The following NSD3 variants were observed in gnomAD, a reference collection of about 807,000 sequenced individuals.
NSD3 encodes nuclear receptor binding SET domain protein 3.
A neutral mutation model predicts 160.8 loss-of-function variants in NSD3; 24 were observed. The observed-to-expected ratio is 0.15, with a 90% CI of 0.11 to 0.21. The LOEUF is 0.21. Among genes scored for constraint, NSD3 ranks in the 10% least tolerant of loss-of-function variants. The pLI, the probability that NSD3 is intolerant of heterozygous loss-of-function variation, is 1.00. For synonymous variants in NSD3, 520 were observed against 600.0 expected (o/e 0.87, Z 1.95); for missense variants, 1,157 against 1,735.9 (o/e 0.67, Z 5.93).
chr8:38,279,554 C>T lies in NSD3; in HGVS notation c.3746G>A (p.Cys1249Tyr), dbSNP rs1808685520. Residue 1249 changes from cysteine to tyrosine, a missense_variant, in exon 21 of 24, where the codon TGT becomes TAT. Cys to Tyr is a radical substitution (Grantham distance 194, BLOSUM62 -2). Transcript: ENST00000317025. Reference sequence around the variant, plus strand: ...CACTTTTTTACCTGCAGGAATATCACAGAGAGCAAATAGTCCCACTCGAAC... The same window carrying T: ...CACTTTTTTACCTGCAGGAATATCATAGAGAGCAAATAGTCCCACTCGAAC... ...GDVRVGLFAL[C>Y]DIPAGMELTF... 1 of 1,613,792 alleles carries T rather than the reference C, an allele frequency of 6.2e-7. No homozygotes were observed. Among genetic ancestry groups the T allele is most frequent in the Non-Finnish European group, 8.5e-7 (1 of 1,179,882 alleles).
At chr8:38,308,172 A>G (rs1454852402) in intron 12 of NSD3, among the ~76,000 whole-genome samples, 10 of 152,220 alleles carry the variant, frequency 6.6e-5, no homozygotes, top group Admixed American at 6.5e-4. Context: ...GAACTGCATT[A>G]TTGTTCTTTG....
chr8:38,352,323 G>A (rs1477479271), intron 1 of NSD3, among the ~76,000 whole-genome samples: 4 of 151,860 alleles, frequency 2.6e-5, no homozygotes, highest in African/African-American at 7.3e-5. Flanking sequence ...GAATAAGACT[G>A]CACACAAGAA....
intron 1 of NSD3, among the ~76,000 whole-genome samples, chr8:38,376,265 T>A (rs1361335634): frequency 6.6e-6 from 1 of 152,160 alleles, no homozygotes; most frequent in African/African-American, 2.4e-5. Flanking sequence ...CATTTTTGCA[T>A]GTAAAAATAT....
chr8:38,277,886 G>A (rs1808636272), intron 22 of NSD3, among the ~76,000 whole-genome samples: 1 of 151,610 alleles, frequency 6.6e-6, no homozygotes, highest in Admixed American at 6.6e-5. Flanking sequence ...ACTAATCCAG[G>A]TGCCCAATTG....
chr8:38,336,799 G>C (rs1385012677), intron 4 of NSD3, among the ~76,000 whole-genome samples: 1 of 152,168 alleles, frequency 6.6e-6, no homozygotes, highest in Non-Finnish European at 1.5e-5. Context: ...ATTAGCCATA[G>C]AAGCACTCTG....
At chr8:38,306,931 G>A (rs1161490078) in intron 12 of NSD3, among the ~76,000 whole-genome samples, 2 of 151,796 alleles carry the variant, frequency 1.3e-5, no homozygotes, top group African/African-American at 2.4e-5. Flanking sequence ...TGGTTAACAA[G>A]GTGAAACCCC....
Position 38,272,614 on chromosome 8 carries a change from T to C in NSD3, c.*3027A>G, listed in dbSNP as rs1808509384. On this transcript the variant is annotated 3_prime_UTR_variant, in exon 24 of 24. Transcript: ENST00000317025. ...TCCAGTTTCTGAAGCTTTAGGCTGA[T>C]TATCAAAAATCTTATGTTCACTTCT... is the stretch of plus-strand genomic sequence containing the variant. 1 of 152,208 alleles carries C rather than the reference T, an allele frequency of 6.6e-6. No homozygotes were observed. The highest frequency in any genetic ancestry group is 6.5e-5 in the Admixed American group (1 of 15,286). The allele number at this position is 152,208 out of a possible 1,614,324, so 9.4% of individuals were successfully genotyped here.
intron 1 of NSD3, among the ~76,000 whole-genome samples, chr8:38,381,329 T>C (rs1811548921): frequency 1.3e-5 from 2 of 151,952 alleles, no homozygotes; most frequent in East Asian, 3.9e-4. Context: ...TCCCATAAAA[T>C]GCCCCATTTC....
At position 38,319,862 on chromosome 8, in the gene NSD3, A is replaced by T. The variant is rs1401231652; in HGVS notation, c.1810-922T>A. The T allele has an allele frequency of 6.6e-6, 1 of 152,330 alleles. No individual in the cohort carries two copies. The highest frequency in any genetic ancestry group is 1.9e-4 in the East Asian group (1 of 5,192). 9.4% of individuals were successfully genotyped at this position (152,330 alleles called of 1,614,324 possible). ...AATACAAATATAAAATCTTCTAAAC[A>T]ATCACTGGTATTGTTCTACTACTAA... On this transcript the variant is annotated intron_variant, in intron 8 of 23. Transcript: ENST00000317025. This position sits in a 1 kb window ranked among gnomAD's most constrained non-coding sequence, Gnocchi z 4.1.
intron 14 of NSD3, among the ~76,000 whole-genome samples, chr8:38,301,910 T>G (rs1232269062): frequency 3.3e-5 from 5 of 152,148 alleles, no homozygotes; most frequent in Non-Finnish European, 7.4e-5. Context: ...CCATTTAAAA[T>G]TACCATTACA....
intron 14 of NSD3, among the ~76,000 whole-genome samples, 149 bp downstream of exon 14, chr8:38,304,434 ATCTC>A (rs779587867): frequency 3.9e-4 from 59 of 150,876 alleles, no homozygotes; most frequent in Non-Finnish European, 7.7e-4. Context: ...GGAAATGTTC[ATCTC>A]TCTCAGGGAT....
chr8:38,289,106 G>T (rs183151615), intron 18 of NSD3, among the ~76,000 whole-genome samples: 1 of 152,296 alleles, frequency 6.6e-6, no homozygotes, highest in Non-Finnish European at 1.5e-5. Flanking sequence ...GGTAGAACAA[G>T]AACAGGATTT....
intron 19 of NSD3, among the ~76,000 whole-genome samples, chr8:38,285,554 T>C (rs1808837722): frequency 6.6e-6 from 1 of 152,262 alleles, no homozygotes; most frequent in Non-Finnish European, 1.5e-5. Flanking sequence ...AAATCAAGAC[T>C]GTTTAATAAG....
At position 38,313,406 on chromosome 8, in the gene NSD3, C is replaced by G. The variant is rs141901471; in HGVS notation, c.2242+1241G>C. Among the ~76,000 whole-genome samples, 608 of 152,246 alleles carry G rather than the reference C, an allele frequency of 4.0e-3. 5 individuals carry two copies. Among genetic ancestry groups the G allele is most frequent in the African/African-American group, 0.014 (578 of 41,548 alleles). ...TGGGGAAGCTATTAAACTCTCTAAT[C>G]CTGTTTCTCCTTCTGCATAATGGAA... On this transcript the variant is annotated intron_variant, in intron 12 of 23. Transcript: ENST00000317025.
At chr8:38,326,286 G>C (rs959127016) in intron 7 of NSD3, among the ~76,000 whole-genome samples, 2 of 152,186 alleles carry the variant, frequency 1.3e-5, no homozygotes, top group Non-Finnish European at 2.9e-5. Context: ...AGGACAATTA[G>C]GCTCTAGGCC....
intron 7 of NSD3, among the ~76,000 whole-genome samples, chr8:38,323,945 C>G (rs1226942877): frequency 1.3e-5 from 2 of 152,016 alleles, no homozygotes; most frequent in Non-Finnish European, 1.5e-5. Flanking sequence ...TTTACTTTCT[C>G]CTTAGGAAAC....
rs1195464310 is a variant in NSD3 at position 38,270,806 on chromosome 8, A to C, written c.*4835T>G. ...TATTTTCCCTTTTTACTTACATGTA[A>C]ATTACTTTTACAGCCTACTGAAGGA... On this transcript the variant is annotated 3_prime_UTR_variant, in exon 24 of 24. Transcript: ENST00000317025. 1 of 152,214 alleles carries C rather than the reference A, an allele frequency of 6.6e-6. No individual in the cohort carries two copies. The highest frequency in any genetic ancestry group is 2.4e-5 in the African/African-American group (1 of 41,446). 9.4% of individuals were successfully genotyped at this position (152,214 alleles called of 1,614,324 possible).
chr8:38,337,987 T>C (rs2150379046), intron 3 of NSD3, among the ~76,000 whole-genome samples: 2 of 152,246 alleles, frequency 1.3e-5, no homozygotes, highest in Middle Eastern at 6.8e-3. Context: ...GTTGCCAAAT[T>C]ATTAACAAGG....
chr8:38,372,318 A>AT (rs1811265816), intron 1 of NSD3, among the ~76,000 whole-genome samples: 1 of 152,136 alleles, frequency 6.6e-6, no homozygotes, highest in African/African-American at 2.4e-5. Context: ...ATTCAGTATT[A>AT]TTTTTTGTTA....
Sources: allele counts gnomAD v4.1 joint callset (sites outside exome capture counted in the v4.1 genomes callset), GRCh38; gene constraint gnomAD v4.1.1; non-coding constraint Gnocchi (gnomAD v3.1); transcripts MANE v1.5; gene names NCBI Gene and HGNC (gene_info 2026-07-23, HGNC 2026-07-21).